Variants in MAD1L1 observed in about 807,000 individuals in gnomAD.
The protein encoded by MAD1L1 is mitotic spindle assembly checkpoint protein MAD1.
A neutral mutation model predicts 96.9 loss-of-function variants in MAD1L1; 95 were observed. The ratio of observed to expected loss-of-function variants is 0.98; its 90% CI spans 0.83 to 1.16. The LOEUF is 1.16. Ranked by LOEUF, MAD1L1 falls within the 50% of genes most tolerant of loss-of-function variation. The pLI is 0.00. For synonymous variants in MAD1L1, 473 were observed against 396.6 expected (o/e 1.19, Z -2.29); for missense variants, 1,007 against 954.4 (o/e 1.06, Z -0.73).
intron 12 of MAD1L1, among the ~76,000 whole-genome samples, chr7:2,058,720 C>T (rs537239497): frequency 1.2e-5 from 1 of 82,818 alleles, no homozygotes; most frequent in Non-Finnish European, 2.4e-5. Context: ...AGAGGAGAGG[C>T]GCAGGGCTGG....
At chr7:1,835,483 CAATA>C (rs1782898329) in intron 18 of MAD1L1, among the ~76,000 whole-genome samples, 1 of 152,012 alleles carries the variant, frequency 6.6e-6, no homozygotes, top group Non-Finnish European at 1.5e-5. Context: ...ATAAAAAGAT[CAATA>C]TACAAATGAA....
At chr7:2,028,531 T>G (rs1783083218) in intron 12 of MAD1L1, among the ~76,000 whole-genome samples, 1 of 151,848 alleles carries the variant, frequency 6.6e-6, no homozygotes, top group South Asian at 2.1e-4. Flanking sequence ...CAATGCATTC[T>G]CAATAAAAAC....
At chr7:2,201,102 C>T (rs1792271394) in intron 10 of MAD1L1, among the ~76,000 whole-genome samples, 2 of 152,180 alleles carry the variant, frequency 1.3e-5, no homozygotes, top group Non-Finnish European at 2.9e-5. Context: ...TCACACCTCA[C>T]AGCCCCAAAG....
intron 11 of MAD1L1, among the ~76,000 whole-genome samples, chr7:2,130,106 G>A (rs1156434528): frequency 1.3e-5 from 2 of 152,242 alleles, no homozygotes; most frequent in East Asian, 3.8e-4. Context: ...TGCATCAAAA[G>A]CACCTCCACA....
chr7:1,857,817 G>C (rs1784333368), intron 18 of MAD1L1, among the ~76,000 whole-genome samples: 1 of 152,232 alleles, frequency 6.6e-6, no homozygotes, highest in Non-Finnish European at 1.5e-5. Flanking sequence ...GTCCCAGCCA[G>C]TCCTTGTCTT....
At chr7:2,123,670 G>A (rs938219155) in intron 11 of MAD1L1, among the ~76,000 whole-genome samples, 3 of 152,224 alleles carry the variant, frequency 2.0e-5, no homozygotes, top group Admixed American at 6.5e-5. Flanking sequence ...TGCGATACCA[G>A]GAAGCGAGTC....
chr7:1,959,242 C>T (rs540700622), intron 15 of MAD1L1, among the ~76,000 whole-genome samples: 19 of 152,230 alleles, frequency 1.2e-4, no homozygotes, highest in African/African-American at 4.6e-4. Context: ...GAGCGAGGCC[C>T]TGTCTCAAAA....
chr7:1,926,297 C>T (rs779930124), intron 17 of MAD1L1, among the ~76,000 whole-genome samples: 5 of 152,210 alleles, frequency 3.3e-5, no homozygotes, highest in African/African-American at 4.8e-5. Context: ...ATGGTTTCAC[C>T]AGCAAATTCT....
chr7:2,013,524 A>C (rs1354833691), intron 13 of MAD1L1, among the ~76,000 whole-genome samples: 1 of 152,216 alleles, frequency 6.6e-6, no homozygotes. Flanking sequence ...CTCGTGAGCG[A>C]AATTCGGATC....
intron 14 of MAD1L1, among the ~76,000 whole-genome samples, chr7:1,992,181 A>G (rs531400334): frequency 1.3e-4 from 19 of 147,414 alleles, no homozygotes; most frequent in African/African-American, 4.4e-4. Flanking sequence ...CCTCATGAGC[A>G]CCGCTGGGTG....
At chr7:1,862,200 A>C (rs974552305) in intron 18 of MAD1L1, among the ~76,000 whole-genome samples, 1 of 151,884 alleles carries the variant, frequency 6.6e-6, no homozygotes, top group Non-Finnish European at 1.5e-5. Flanking sequence ...GAGCCAGGTT[A>C]CTCCGGGTTG....
intron 10 of MAD1L1, among the ~76,000 whole-genome samples, chr7:2,199,941 G>A (rs988250831): frequency 3.3e-4 from 50 of 152,248 alleles, no homozygotes; most frequent in African/African-American, 1.1e-3. Flanking sequence ...GGATGGGAGA[G>A]CCCCCTGCAG....
chr7:1,885,579 G>C (rs1396950529), intron 18 of MAD1L1, among the ~76,000 whole-genome samples: 1 of 152,234 alleles, frequency 6.6e-6, no homozygotes, highest in South Asian at 2.1e-4. Flanking sequence ...TGTAGCTCCT[G>C]CTTCCTGAGT....
intron 17 of MAD1L1, among the ~76,000 whole-genome samples, chr7:1,911,587 C>T (rs1239887428): frequency 2.0e-5 from 3 of 152,342 alleles, no homozygotes; most frequent in East Asian, 3.9e-4. Flanking sequence ...TGCCAGGGGA[C>T]GATGTTCACC....
intron 12 of MAD1L1, among the ~76,000 whole-genome samples, chr7:2,032,007 A>C (rs1465633616): frequency 1.3e-5 from 2 of 152,216 alleles, no homozygotes; most frequent in Non-Finnish European, 2.9e-5. Context: ...CAAAAATCTT[A>C]CAGTGCTGCA....
At chr7:2,110,381 C>T (rs1332037942) in intron 11 of MAD1L1, among the ~76,000 whole-genome samples, 2 of 152,214 alleles carry the variant, frequency 1.3e-5, no homozygotes, top group Non-Finnish European at 2.9e-5. Context: ...CTCGAGGTCC[C>T]GGCTCAGAAG....
Position 2,216,178 on chromosome 7 carries a change from C to A in MAD1L1, c.788G>T (p.Arg263Leu), listed in dbSNP as rs777450722. Residue 263 changes from arginine to leucine, a missense_variant, in exon 8 of 19, where the codon CGG becomes CTG. Physicochemically the swap from Arg to Leu is moderately radical, Grantham distance 102 (BLOSUM62 -2). Coordinates refer to ENST00000265854, the MANE Select transcript of MAD1L1 (RefSeq NM_001013836.2). ...PRLERELKQLREESAHLREMR... is the reference protein window; with the variant it reads ...PRLERELKQLLEESAHLREMR... Reference sequence around the variant, plus strand: ...TCACCGCAGGTGCGCGCTCTCCTCCCGCAGCTGCTTCAGCTCCCGTTCCAG... The same window carrying A: ...TCACCGCAGGTGCGCGCTCTCCTCCAGCAGCTGCTTCAGCTCCCGTTCCAG... 6.2e-7 allele frequency: 1 copy of A among 1,613,488 alleles called. No individual in the cohort carries two copies. Among genetic ancestry groups the A allele is most frequent in the East Asian group, 2.2e-5 (1 of 44,886 alleles).
At chr7:2,109,169 T>A (rs1447087094) in intron 11 of MAD1L1, among the ~76,000 whole-genome samples, 1 of 152,186 alleles carries the variant, frequency 6.6e-6, no homozygotes, top group East Asian at 1.9e-4. Context: ...ATCTCCCACC[T>A]AGACGGAAAA....
At chr7:1,866,510 G>A (rs1784785664) in intron 18 of MAD1L1, among the ~76,000 whole-genome samples, 1 of 152,226 alleles carries the variant, frequency 6.6e-6, no homozygotes, top group East Asian at 1.9e-4. Context: ...CTCTGGGGCA[G>A]AGACACGAGG....
Sources: allele counts gnomAD v4.1 joint callset (sites outside exome capture counted in the v4.1 genomes callset), GRCh38; gene constraint gnomAD v4.1.1; transcripts MANE v1.5; gene names NCBI Gene and HGNC (gene_info 2026-07-23, HGNC 2026-07-21).